The following WAPL variants were observed in gnomAD, a reference collection of about 807,000 sequenced individuals.
The protein encoded by WAPL is wings apart-like protein homolog.
A neutral mutation model predicts 121.0 loss-of-function variants in WAPL; 5 were observed. The observed-to-expected ratio is 0.04, with a 90% CI of 0.02 to 0.09. The LOEUF (loss-of-function observed/expected upper bound fraction) is 0.09. WAPL is among the 10% of genes least tolerant of loss of function. WAPL has a pLI of 1.00. For synonymous variants in WAPL, 480 were observed against 481.5 expected, an observed-to-expected ratio of 1.00 and a Z score of 0.04; for missense variants, 999 against 1,410.8, an observed-to-expected ratio of 0.71 and a Z score of 4.68.
chr10:86,473,025 C>T (rs940633750), intron 5 of WAPL, among the ~76,000 whole-genome samples: 4 of 152,126 alleles, frequency 2.6e-5, no homozygotes, highest in South Asian at 4.1e-4. Flanking sequence ...CACAATTTGT[C>T]GTTTGTCTCT....
intron 15 of WAPL, among the ~76,000 whole-genome samples, chr10:86,446,945 C>T (rs10887609): frequency 0.49 from 73,843 of 151,956 alleles, 18,278 homozygotes; most frequent in East Asian, 0.69. Context: ...GAGTGGTATA[C>T]AAACTTCAAA....
intron 3 of WAPL, 130 bp from the exon 4 acceptor site, chr10:86,497,449 G>C (rs563622452): frequency 2.8e-6 from 2 of 707,884 alleles, no homozygotes; most frequent in Non-Finnish European, 4.7e-6. Context: ...CAGCACCACA[G>C]AGCTGACAAA....
chr10:86,500,411 C>T lies in WAPL; in HGVS notation c.832G>A (p.Ala278Thr), dbSNP rs142713599. 1.9e-5 allele frequency: 31 copies of T among 1,614,096 alleles called. No individual in the cohort carries two copies. Among genetic ancestry groups the T allele is most frequent in the Non-Finnish European group, 2.5e-5 (30 of 1,180,044 alleles). ...FKNRLENLNE[A>T]IEEDIVQSVL... ...CTTTGTACAATATCTTCCTCAATGG[C>T]TTCATTCAGATTTTCCAATCGATTT... Residue 278 changes from alanine to threonine, a missense_variant, in exon 3 of 19, where the codon GCC (alanine) becomes ACC (threonine). By Grantham distance (58) the Ala-to-Thr change is moderately conservative (BLOSUM62 0). Coordinates refer to ENST00000298767, the MANE Select transcript of WAPL (RefSeq NM_015045.5).
Position 86,483,781 on chromosome 10 carries a change from A to AAAG in WAPL, c.1645-9809_1645-9808insCTT, listed in dbSNP as rs1238029268. On this transcript the variant is annotated intron_variant, in intron 4 of 18. Coordinates refer to ENST00000298767, the MANE Select transcript of WAPL (RefSeq NM_015045.5). ...CTTAAGTTTTTAACAAAAAAAAAAA[A>AAAG]AAATTTTTTTTTCTTTTTTTTTTTT... Among the ~76,000 whole-genome samples the AAAG allele has an allele frequency of 9.6e-4, 138 of 143,816 alleles. 1 individual carries two copies. The highest frequency in any genetic ancestry group is 3.3e-3 in the African/African-American group (131 of 39,110). 94.3% of individuals were successfully genotyped at this position (143,816 alleles called of 152,430 possible).
chr10:86,460,524 A>G, intron 10 of WAPL, 28 bp from the exon 11 acceptor site: 1 of 1,573,262 alleles, frequency 6.4e-7, no homozygotes, highest in South Asian at 1.1e-5. Flanking sequence ...AACGTAAGTT[A>G]GTATTTATCA....
At chr10:86,478,990 C>T (rs10788509) in intron 4 of WAPL, among the ~76,000 whole-genome samples, 118,061 of 151,676 alleles carry the variant, frequency 0.78, 46,709 homozygotes, top group South Asian at 0.89. Flanking sequence ...CCAGCTACCC[C>T]GGGAGGCTGA....
chr10:86,453,974 G>T, intron 12 of WAPL, 143 bp from the exon 13 acceptor site: 1 of 712,244 alleles, frequency 1.4e-6, no homozygotes, highest in Non-Finnish European at 2.1e-6. Context: ...CTTATTCAAG[G>T]AATGTTAAAA....
intron 16 of WAPL, chr10:86,443,725 T>C (rs764162552): frequency 4.2e-5 from 8 of 189,264 alleles, no homozygotes; most frequent in Non-Finnish European, 8.7e-5. Context: ...ACAACCCAAT[T>C]AAAACTGGGC....
At chr10:86,491,391 G>A (rs1203470082) in intron 4 of WAPL, among the ~76,000 whole-genome samples, 2 of 151,588 alleles carry the variant, frequency 1.3e-5, no homozygotes, top group East Asian at 2.0e-4. Flanking sequence ...CACCCGCCTC[G>A]GCCTCCCAAA....
chr10:86,475,037 G>A (rs1841620873), intron 4 of WAPL, among the ~76,000 whole-genome samples: 1 of 152,156 alleles, frequency 6.6e-6, no homozygotes, highest in Non-Finnish European at 1.5e-5. Flanking sequence ...ACACTAAGCA[G>A]GACAAAGATG....
intron 4 of WAPL, among the ~76,000 whole-genome samples, chr10:86,487,597 T>G (rs1841952958): frequency 6.6e-6 from 1 of 152,040 alleles, no homozygotes; most frequent in Non-Finnish European, 1.5e-5. Flanking sequence ...GCTTAAGAGT[T>G]CATGCTTTCT....
At chr10:86,461,029 G>T in intron 10 of WAPL, 147 bp downstream of exon 10, 1 of 696,582 alleles carries the variant, frequency 1.4e-6, no homozygotes, top group Non-Finnish European at 2.2e-6. Flanking sequence ...TTCTTTAAAT[G>T]TTAGAAATTT....
intron 4 of WAPL, among the ~76,000 whole-genome samples, chr10:86,485,217 A>G (rs546187022): frequency 1.3e-5 from 2 of 152,020 alleles, no homozygotes; most frequent in South Asian, 4.2e-4. Flanking sequence ...AATACTTTGA[A>G]CTTTCAAACT....
intron 2 of WAPL, among the ~76,000 whole-genome samples, chr10:86,510,909 G>A (rs1308324583): frequency 6.6e-6 from 1 of 152,074 alleles, no homozygotes; most frequent in Non-Finnish European, 1.5e-5. Context: ...GCTCGCTGCT[G>A]CCCTGAACTG....
At chr10:86,479,651 T>C (rs1277883505) in intron 4 of WAPL, among the ~76,000 whole-genome samples, 2 of 152,226 alleles carry the variant, frequency 1.3e-5, no homozygotes, top group Admixed American at 6.5e-5. Context: ...GAAGACAAAA[T>C]AGTAAGCTGA....
At chr10:86,466,957 T>A in intron 9 of WAPL, 1 of 252,140 alleles carries the variant, frequency 4.0e-6, no homozygotes, top group Non-Finnish European at 7.7e-6. Flanking sequence ...TGCCTTGGCC[T>A]CTCAAAATGC....
At chr10:86,483,347 G>A (rs144890694) in intron 4 of WAPL, among the ~76,000 whole-genome samples, 7 of 151,850 alleles carry the variant, frequency 4.6e-5, no homozygotes, top group East Asian at 1.9e-4. Flanking sequence ...TTGAACCTGC[G>A]AGGCGGAGGT....
chr10:86,440,878 A>C (rs1449585924), intron 17 of WAPL, among the ~76,000 whole-genome samples: 1 of 44,518 alleles, frequency 2.2e-5, no homozygotes, highest in African/African-American at 1.1e-4. Flanking sequence ...TAGATACACA[A>C]AGTGAAAAAA....
chr10:86,457,674 C>A (rs1371347577), intron 12 of WAPL, among the ~76,000 whole-genome samples: 1 of 151,548 alleles, frequency 6.6e-6, no homozygotes, highest in African/African-American at 2.4e-5. Context: ...ATAAAATATA[C>A]AAATGCAAGA....
Sources: allele counts gnomAD v4.1 joint callset (sites outside exome capture counted in the v4.1 genomes callset), GRCh38; gene constraint gnomAD v4.1.1; transcripts MANE v1.5; gene names NCBI Gene and HGNC (gene_info 2026-07-23, HGNC 2026-07-21).